Variants in CNTN3 observed in about 807,000 individuals in gnomAD.
CNTN3 encodes contactin-3.
CNTN3 carries 60 observed loss-of-function variants against 119.1 expected under a neutral mutation model. The ratio of observed to expected loss-of-function variants is 0.50; its 90% CI spans 0.41 to 0.62. CNTN3 has a LOEUF of 0.62. Ranked by LOEUF, CNTN3 falls within the 20% of genes least tolerant of loss-of-function variation. The pLI is 0.00. For synonymous variants in CNTN3, 450 were observed against 438.7 expected (o/e 1.03, Z -0.32); for missense variants, 1,101 against 1,242.4 (o/e 0.89, Z 1.71).
At chr3:74,507,663 G>C (rs1222612491) in intron 2 of CNTN3, among the ~76,000 whole-genome samples, 36 of 90,460 alleles carry the variant, frequency 4.0e-4, no homozygotes, top group Non-Finnish European at 1.4e-4. Flanking sequence ...AAAGAGTCTT[G>C]TTCTGTCACG....
rs550876953 is a variant in CNTN3, at chr3:74,340,783, TAAAAC to T, written c.1365-4130_1365-4126del. 1.1e-3 allele frequency among the ~76,000 whole-genome samples: 162 copies of T among 152,244 alleles called. 2 individuals are homozygous for T. The highest frequency in any genetic ancestry group is 3.8e-3 in the African/African-American group (159 of 41,564). ...TACCACTTCTATGATTAGTAAGCCT[TAAAAC>T]AAAGTAAAAATGCCTCTTGTTGACT... On this transcript the variant is annotated intron_variant, in intron 11 of 22. Transcript: ENST00000263665.
At chr3:74,466,231 T>C (rs1212600844) in intron 4 of CNTN3, among the ~76,000 whole-genome samples, 1 of 152,012 alleles carries the variant, frequency 6.6e-6, no homozygotes, top group African/African-American at 2.4e-5. Flanking sequence ...AATTTACAGA[T>C]GAAGGAGAAA....
At chr3:74,503,875 G>A (rs7430960) in intron 2 of CNTN3, among the ~76,000 whole-genome samples, 1 of 151,962 alleles carries the variant, frequency 6.6e-6, no homozygotes, top group African/African-American at 2.4e-5. Context: ...GGACTAATAA[G>A]TCCAAAAATC....
chr3:74,568,514 C>T lies in CNTN3; in HGVS notation c.-81+45877G>A, dbSNP rs73842108. On this transcript the variant is annotated intron_variant, in intron 1 of 22. Transcript: ENST00000263665. ...AGCTTGCTCTGCAGCTGTTCTGAAG[C>T]AGGTCCTGGGATGACAACCTAATGA... Among the ~76,000 whole-genome samples, 1,430 of 152,296 alleles carry T rather than the reference C, an allele frequency of 9.4e-3. 21 individuals carry two copies. Among genetic ancestry groups the T allele is most frequent in the African/African-American group, 0.033 (1,359 of 41,578 alleles).
chr3:74,294,820 T>G (rs1702305628), intron 19 of CNTN3, among the ~76,000 whole-genome samples: 1 of 152,182 alleles, frequency 6.6e-6, no homozygotes, highest in Non-Finnish European at 1.5e-5. Context: ...CTCTATGAAC[T>G]TGATACTGCA....
chr3:74,556,326 C>T (rs1437210982), intron 1 of CNTN3, among the ~76,000 whole-genome samples: 1 of 152,118 alleles, frequency 6.6e-6, no homozygotes, highest in South Asian at 2.1e-4. Context: ...CTCCCAGTCA[C>T]CAGAAACCAT....
intron 4 of CNTN3, among the ~76,000 whole-genome samples, chr3:74,473,407 A>T (rs1264464248): frequency 6.6e-6 from 1 of 152,142 alleles, no homozygotes; most frequent in Non-Finnish European, 1.5e-5. Context: ...TGCTTACAGG[A>T]TTGGCCTATT....
chr3:74,599,790 A>G (rs914256541), intron 1 of CNTN3, among the ~76,000 whole-genome samples: 1 of 152,098 alleles, frequency 6.6e-6, no homozygotes, highest in Non-Finnish European at 1.5e-5. Context: ...GGGGCAGAGA[A>G]GATGCACCCT....
intron 2 of CNTN3, among the ~76,000 whole-genome samples, chr3:74,509,059 T>C (rs898423544): frequency 1.6e-4 from 25 of 152,292 alleles, no homozygotes; most frequent in African/African-American, 5.3e-4. Flanking sequence ...TTGCCAAAAA[T>C]GTTGGCAAAC....
intron 2 of CNTN3, among the ~76,000 whole-genome samples, 163 bp downstream of exon 2, chr3:74,520,895 C>T (rs564091965): frequency 6.6e-6 from 1 of 151,578 alleles, no homozygotes; most frequent in African/African-American, 2.4e-5. Flanking sequence ...GGAATAAGAA[C>T]CCAATTATCA....
intron 5 of CNTN3, among the ~76,000 whole-genome samples, chr3:74,392,701 T>C (rs544421682): frequency 1.3e-5 from 2 of 152,250 alleles, no homozygotes; most frequent in East Asian, 1.9e-4. Context: ...ATTAGAAAGA[T>C]ACCAAGTGAT....
At chr3:74,370,225 A>G (rs1171814419) in intron 6 of CNTN3, among the ~76,000 whole-genome samples, 1 of 152,056 alleles carries the variant, frequency 6.6e-6, no homozygotes, top group Admixed American at 6.6e-5. Context: ...CTCTAACAAA[A>G]CATCCAGAGC....
chr3:74,613,681 C>T (rs1047917451), intron 1 of CNTN3, among the ~76,000 whole-genome samples: 2 of 152,214 alleles, frequency 1.3e-5, no homozygotes, highest in African/African-American at 4.8e-5. Context: ...GAAAAAATTC[C>T]TGATGGTGCT....
chr3:74,557,727 G>GAA (rs5850189), intron 1 of CNTN3, among the ~76,000 whole-genome samples: 6,650 of 136,846 alleles, frequency 0.049, 186 homozygotes, highest in South Asian at 0.069. Context: ...AGCAACAGAT[G>GAA]AAAAAAAAAA....
chr3:74,317,062 G>C (rs1702848261), intron 13 of CNTN3, among the ~76,000 whole-genome samples: 1 of 151,142 alleles, frequency 6.6e-6, no homozygotes, highest in African/African-American at 2.4e-5. Context: ...AGCTCTTCTT[G>C]TTGAATTGAT....
At chr3:74,573,642 T>C (rs1455771608) in intron 1 of CNTN3, among the ~76,000 whole-genome samples, 2 of 151,946 alleles carry the variant, frequency 1.3e-5, no homozygotes, top group Non-Finnish European at 2.9e-5. Context: ...AGGATTTGAA[T>C]AGACATTTCT....
intron 1 of CNTN3, among the ~76,000 whole-genome samples, chr3:74,557,203 C>T (rs1202698070): frequency 1.3e-5 from 2 of 151,918 alleles, no homozygotes; most frequent in Non-Finnish European, 2.9e-5. Context: ...TCTAAGAAAC[C>T]CATGCCTAAA....
intron 21 of CNTN3, 54 bp from the exon 22 acceptor site, chr3:74,266,703 T>A: frequency 6.5e-7 from 1 of 1,536,338 alleles, no homozygotes; most frequent in South Asian, 1.1e-5. Flanking sequence ...TTTTGTTTTC[T>A]TCATAGAATT....
intron 1 of CNTN3, among the ~76,000 whole-genome samples, chr3:74,584,592 G>A (rs961672213): frequency 2.6e-5 from 4 of 152,126 alleles, no homozygotes; most frequent in African/African-American, 9.7e-5. Flanking sequence ...ACAGTCTGCA[G>A]ATCCGTGAGC....
Sources: gnomAD v4.1 joint callset for allele counts (sites outside exome capture counted in the v4.1 genomes callset) on GRCh38, gnomAD v4.1.1 for gene constraint, MANE v1.5 for transcripts, NCBI Gene and HGNC (gene_info 2026-07-23, HGNC 2026-07-21) for gene names.